The following AKT3 variants were observed in gnomAD, a reference collection of about 807,000 sequenced individuals.
The protein encoded by AKT3 is AKT serine/threonine kinase 3, also known as RAC-gamma serine/threonine-protein kinase.
Under a neutral mutation model 65.3 loss-of-function variants are expected in AKT3, and 15 were observed. That is an observed-to-expected ratio of 0.23 (90% CI 0.15 to 0.35). AKT3 has a LOEUF of 0.35. Among genes scored for constraint, AKT3 ranks in the 10% least tolerant of loss-of-function variants. The probability of loss-of-function intolerance (pLI) is 1.00; values close to 1 mark genes in which losing one functional copy is unlikely to be tolerated. For synonymous variants in AKT3, 206 were observed against 183.8 expected, an observed-to-expected ratio of 1.12 and a Z score of -0.98; for missense variants, 243 against 576.5, an observed-to-expected ratio of 0.42 and a Z score of 5.92.
chr1:243,617,065 A>G (rs902938355), intron 6 of AKT3, among the ~76,000 whole-genome samples: 3 of 152,182 alleles, frequency 2.0e-5, no homozygotes, highest in Non-Finnish European at 4.4e-5. Context: ...TACCTAATAA[A>G]TGTCTATTGA....
chr1:243,568,494 T>C (rs1248503701), intron 9 of AKT3, among the ~76,000 whole-genome samples: 3 of 150,540 alleles, frequency 2.0e-5, no homozygotes, highest in Non-Finnish European at 4.4e-5. Context: ...AAAAAAAGGG[T>C]AACATTTTTT....
At chr1:243,849,909 G>T in intron 1 of AKT3, 131 bp downstream of exon 1, 1 of 669,082 alleles carries the variant, frequency 1.5e-6, no homozygotes, top group Non-Finnish European at 1.8e-6. Context: ...CAACCCAGAA[G>T]CCCCCGCCTC....
At chr1:243,640,607 A>G (rs1304055192) in intron 5 of AKT3, among the ~76,000 whole-genome samples, 1 of 152,162 alleles carries the variant, frequency 6.6e-6, no homozygotes, top group Non-Finnish European at 1.5e-5. Flanking sequence ...CCTGGAAGAT[A>G]AATTACCACT....
At chr1:243,655,312 C>G (rs1055165048) in intron 4 of AKT3, among the ~76,000 whole-genome samples, 10 of 152,096 alleles carry the variant, frequency 6.6e-5, no homozygotes, top group African/African-American at 2.4e-4. Flanking sequence ...ACCTTGATTA[C>G]AAATGAAAGC....
chr1:243,681,587 T>A (rs984252359), intron 3 of AKT3, among the ~76,000 whole-genome samples: 7 of 152,168 alleles, frequency 4.6e-5, no homozygotes, highest in African/African-American at 1.7e-4. Flanking sequence ...ATACAACTCC[T>A]GACAACAATG....
At chr1:243,749,561 AC>A (rs1688676827) in intron 2 of AKT3, among the ~76,000 whole-genome samples, 1 of 152,092 alleles carries the variant, frequency 6.6e-6, no homozygotes, top group Non-Finnish European at 1.5e-5. Flanking sequence ...TCAAGAACTA[AC>A]CCCTCTTTCT....
intron 13 of AKT3, 52 bp from the exon 14 acceptor site, chr1:243,505,386 TTA>T (rs1320937775): frequency 6.7e-7 from 1 of 1,485,890 alleles, no homozygotes; most frequent in African/African-American, 1.4e-5. Flanking sequence ...TTTTGCAACA[TTA>T]TCTCTAGTCT....
intron 2 of AKT3, among the ~76,000 whole-genome samples, 177 bp from the exon 3 acceptor site, chr1:243,695,893 A>G (rs1159781741): frequency 1.3e-5 from 2 of 152,018 alleles, no homozygotes; most frequent in African/African-American, 4.8e-5. Flanking sequence ...TTAAGATTCA[A>G]TAAAAACCCA....
chr1:243,637,647 A>G lies in AKT3; in HGVS notation c.525T>C (p.Ala175=). Residue 175 remains alanine, a synonymous_variant, in exon 6 of 14, where the codon GCT becomes GCC. Coordinates refer to ENST00000673466, the MANE Select transcript of AKT3 (RefSeq NM_005465.7). The part of the protein sequence containing the change: ...VREKASGKYY[A]MKILKKEVII... ...TGACTTCTTTCTTCAGAATCTTCATAGCATAGTATTTTCCACTTGCCTTCT... is the reference window on the plus strand; with the variant it reads ...TGACTTCTTTCTTCAGAATCTTCATGGCATAGTATTTTCCACTTGCCTTCT... 1 of 1,604,204 alleles carries G rather than the reference A, an allele frequency of 6.2e-7. No homozygotes were observed. The highest frequency in any genetic ancestry group is 8.5e-7 in the Non-Finnish European group (1 of 1,174,914).
intron 6 of AKT3, among the ~76,000 whole-genome samples, chr1:243,631,079 A>G (rs1438094568): frequency 6.6e-6 from 1 of 152,206 alleles, no homozygotes; most frequent in Non-Finnish European, 1.5e-5. Context: ...GTCCCAGTGC[A>G]TATAAGTTAT....
intron 2 of AKT3, among the ~76,000 whole-genome samples, chr1:243,795,744 T>G (rs1313114642): frequency 1.3e-5 from 2 of 152,040 alleles, no homozygotes; most frequent in East Asian, 3.9e-4. Context: ...GTGCTGGGAT[T>G]ACAGGCGTGA....
chr1:243,724,284 C>G (rs985648944), intron 2 of AKT3, among the ~76,000 whole-genome samples: 2 of 151,410 alleles, frequency 1.3e-5, no homozygotes, highest in Non-Finnish European at 2.9e-5. Context: ...GTAAAACTAC[C>G]CGTTACTGAG....
At chr1:243,542,111 A>G (rs1672361679) in intron 12 of AKT3, among the ~76,000 whole-genome samples, 1 of 152,206 alleles carries the variant, frequency 6.6e-6, no homozygotes, top group African/African-American at 2.4e-5. Flanking sequence ...CTCTTCCTAA[A>G]TTTATCTACA....
intron 2 of AKT3, among the ~76,000 whole-genome samples, chr1:243,798,076 G>GT (rs1692136870): frequency 6.6e-6 from 1 of 151,070 alleles, no homozygotes; most frequent in Admixed American, 6.6e-5. Flanking sequence ...TAGAGACGGG[G>GT]TTTCACCATG....
intron 8 of AKT3, among the ~76,000 whole-genome samples, chr1:243,592,322 G>A (rs1278921652): frequency 6.0e-5 from 9 of 151,036 alleles, no homozygotes; most frequent in Non-Finnish European, 7.4e-5. Flanking sequence ...GCGACAGAGC[G>A]AGACTCCGTC....
intron 2 of AKT3, among the ~76,000 whole-genome samples, chr1:243,746,639 T>C (rs1688486115): frequency 6.6e-6 from 1 of 152,236 alleles, no homozygotes; most frequent in Non-Finnish European, 1.5e-5. Flanking sequence ...GAAACTAACA[T>C]ACTCTACAGA....
At chr1:243,554,025 T>G (rs1370963687) in intron 10 of AKT3, among the ~76,000 whole-genome samples, 1 of 152,194 alleles carries the variant, frequency 6.6e-6, no homozygotes, top group African/African-American at 2.4e-5. Flanking sequence ...AAGCAGTACT[T>G]GTGTTCCAAA....
At chr1:243,599,867 T>C (rs116399544) in intron 8 of AKT3, among the ~76,000 whole-genome samples, 1,531 of 152,120 alleles carry the variant, frequency 0.01, 23 homozygotes, top group African/African-American at 0.035. Flanking sequence ...TATTAGAAAA[T>C]AGCAGTAAAA....
intron 13 of AKT3, among the ~76,000 whole-genome samples, chr1:243,508,110 G>A (rs531938697): frequency 1.6e-4 from 25 of 152,282 alleles, no homozygotes; most frequent in Admixed American, 1.2e-3. Context: ...GAGCTGCAAC[G>A]GTTTCTTACC....
Sources: allele counts gnomAD v4.1 joint callset (sites outside exome capture counted in the v4.1 genomes callset), GRCh38; gene constraint gnomAD v4.1.1; transcripts MANE v1.5; gene names NCBI Gene and HGNC (gene_info 2026-07-23, HGNC 2026-07-21).